The following NBPF10 variants were observed in gnomAD, a reference collection of about 807,000 sequenced individuals.
The protein encoded by NBPF10 is NBPF family member NBPF10.
NBPF10 carries 63 observed loss-of-function variants against 77.9 expected under a neutral mutation model. That is an observed-to-expected ratio of 0.81 (90% confidence interval 0.66 to 1.00). The LOEUF is 1.00. Ranked by LOEUF, NBPF10 falls within the 50% of genes least tolerant of loss-of-function variation. The probability of loss-of-function intolerance (pLI) is 0.00; values close to 1 mark genes in which losing one functional copy is unlikely to be tolerated. For synonymous variants in NBPF10, 146 were observed against 264.5 expected (o/e 0.55, Z 4.35); for missense variants, 522 against 679.8 (o/e 0.77, Z 2.58).
intron 6 of NBPF10, among the ~76,000 whole-genome samples, chr1:146,136,864 TCCC>T (rs1659765882): frequency 6.7e-6 from 1 of 149,060 alleles, no homozygotes; most frequent in Admixed American, 6.7e-5. Context: ...ACTGATGGTT[TCCC>T]TTTTACTGGG....
At chr1:146,067,525 G>A (rs1553778156) in intron 88 of NBPF10, among the ~76,000 whole-genome samples, 1 of 148,950 alleles carries the variant, frequency 6.7e-6, no homozygotes, top group East Asian at 2.0e-4. Flanking sequence ...AATATCATTT[G>A]TCCCAAGTTT....
exon 14 of NBPF10, chr1:146,126,374 C>G (rs1553789943): frequency 1.5e-6 from 2 of 1,375,630 alleles, no homozygotes; most frequent in Non-Finnish European, 2.1e-6. Flanking sequence ...TGCAAGACTT[C>G]AGGCCCTTTC....
In NBPF10 at chr1:146,126,230, A is replaced by G. The variant is rs782749153; in HGVS notation, c.2026+6T>C. 1.2e-5 allele frequency: 19 copies of G among 1,592,722 alleles called. No individual in the cohort carries two copies. The South Asian group carries it at 2.1e-4, about 18-fold the overall frequency. On this transcript the variant is annotated splice_donor_region_variant and intron_variant, in intron 14 of 89. Coordinates refer to ENST00000583866, the Ensembl canonical transcript of NBPF10. ...ATCCTTATCACCTTCATAGAAAGGT[A>G]CTCACCATCCATGTCAATAGCCAAG...
At chr1:146,125,589 C>A (rs1157158128) in intron 14 of NBPF10, 73 bp from the exon 15 acceptor site, 19 of 585,366 alleles carry the variant, frequency 3.2e-5, no homozygotes, top group Non-Finnish European at 5.9e-5. Context: ...ACTGTCTAAT[C>A]CTCACACAGG....
intron 88 of NBPF10, 143 bp downstream of exon 88, chr1:146,067,860 T>A (rs1370183749): frequency 4.6e-5 from 32 of 698,296 alleles, no homozygotes; most frequent in Non-Finnish European, 7.3e-5. Flanking sequence ...GAGACTACAG[T>A]TTCATTACAA....
Position 146,067,383 on chromosome 1 carries a change from C to A in NBPF10, c.11036-95G>T. 2 of 371,108 alleles carry A rather than the reference C, an allele frequency of 5.4e-6. 1 individual carries two copies. The highest frequency in any genetic ancestry group is 9.4e-6 in the Non-Finnish European group (2 of 211,778). 23.0% of individuals were successfully genotyped at this position (371,108 alleles called of 1,614,324 possible). On this transcript the variant is annotated intron_variant, in intron 88 of 89. Coordinates refer to ENST00000583866, the Ensembl canonical transcript of NBPF10. ...AATCCTCACACAGGGACCTCAGGCT[C>A]CTCAGCATAAGAATAGGACACTGTG...
At position 146,126,379 on chromosome 1, in the gene NBPF10, C is replaced by T. The variant is rs146118679; in HGVS notation, c.1883G>A (p.Gly628Glu). 4.6e-5 allele frequency: 63 copies of T among 1,357,450 alleles called. 2 individuals are homozygous for T. Among genetic ancestry groups the T allele is most frequent in the South Asian group, 3.4e-4 (29 of 85,812 alleles). The allele number at this position is 1,357,450 out of a possible 1,614,324, so 84.1% of individuals were successfully genotyped here. ...CTGTGAGTCCTGCAAGACTTCAGGCCCTTTCTCATCCAGCAGCTCCCTGCT... is the reference window on the plus strand; with the variant it reads ...CTGTGAGTCCTGCAAGACTTCAGGCTCTTTCTCATCCAGCAGCTCCCTGCT... The change falls in exon 14 of 90, where the codon GGG (glycine) becomes GAG (glutamate). Residue 628 changes from glycine (G) to glutamate (E), a missense_variant. Gly to Glu is a moderately conservative substitution (Grantham distance 98). This residue lies in a region of NBPF10 where 178 missense variants were observed against 77.7 expected (regional missense o/e 2.29). Transcript: ENST00000583866.
At chr1:146,142,280 A>G (rs1461286958) in intron 2 of NBPF10, among the ~76,000 whole-genome samples, 1 of 115,326 alleles carries the variant, frequency 8.7e-6, no homozygotes, top group African/African-American at 3.0e-5. Flanking sequence ...ATTGAGTGAA[A>G]GAATGAGAAG....
intron 6 of NBPF10, among the ~76,000 whole-genome samples, chr1:146,136,938 A>T (rs9424719): frequency 0.048 from 4,263 of 89,306 alleles, no homozygotes; most frequent in East Asian, 0.1. Context: ...TCATATCTTC[A>T]GTTATGATTT....
intron 86 of NBPF10, among the ~76,000 whole-genome samples, chr1:146,069,341 C>T: frequency 1.1e-5 from 1 of 92,038 alleles, no homozygotes; most frequent in Admixed American, 1.1e-4. Flanking sequence ...TGGCCTGAGA[C>T]TAGGAAGAGA....
chr1:146,076,294 C>CACAG (rs1553780606), intron 77 of NBPF10, among the ~76,000 whole-genome samples: 79 of 13,012 alleles, frequency 6.1e-3, no homozygotes, highest in Non-Finnish European at 0.018. Context: ...CACACACACA[C>CACAG]ACACACACAG....
chr1:146,121,919 C>T (rs1163745379), intron 19 of NBPF10, among the ~76,000 whole-genome samples: 2 of 146,554 alleles, frequency 1.4e-5, no homozygotes, highest in African/African-American at 5.3e-5. Context: ...AGTGAATTGG[C>T]CAGGTGACAT....
Position 146,129,345 on chromosome 1 carries a change from C to T in NBPF10, c.1638-1063G>A, listed in dbSNP as rs587699289. 1.0e-4 allele frequency among the ~76,000 whole-genome samples: 15 copies of T among 145,080 alleles called. No individual in the cohort carries two copies. In the East Asian group the frequency reaches 3.0e-3, roughly 29 times the overall value. On this transcript the variant is annotated intron_variant, in intron 11 of 89. Coordinates refer to ENST00000583866, the Ensembl canonical transcript of NBPF10. Reference sequence around the variant, plus strand: ...ACCATGGCACGAGAACTACGTGATGCATGCACAAGCTTCAGTAGCCAATTC... The same window carrying T: ...ACCATGGCACGAGAACTACGTGATGTATGCACAAGCTTCAGTAGCCAATTC...
chr1:146,136,326 C>T (rs587738019), intron 7 of NBPF10, 27 bp downstream of exon 7: 5 of 975,010 alleles, frequency 5.1e-6, no homozygotes, highest in Non-Finnish European at 7.9e-6. Context: ...ACCTGCGCCC[C>T]TGCCTGCCCC....
rs1655526544 is a variant in NBPF10, at chr1:146,069,193, A to G, written c.10810+350T>C. 3.5e-5 allele frequency among the ~76,000 whole-genome samples: 3 copies of G among 84,804 alleles called. 1 individual carries two copies. The highest frequency in any genetic ancestry group is 1.6e-4 in the African/African-American group (3 of 18,196). The allele number at this position is 84,804 out of a possible 152,430, so 55.6% of individuals were successfully genotyped here. On this transcript the variant is annotated intron_variant, in intron 86 of 89. Transcript: ENST00000583866. ...AATACTCAGATTGTTCATGGTAGCG[A>G]GGATTGTAGACGCTGAAATTAGAGT...
At chr1:146,067,863 C>T in intron 88 of NBPF10, 140 bp downstream of exon 88, 1 of 698,250 alleles carries the variant, frequency 1.4e-6, no homozygotes, top group Non-Finnish European at 2.6e-6. Flanking sequence ...ACTACAGTTT[C>T]ATTACAACCT....
intron 10 of NBPF10, among the ~76,000 whole-genome samples, chr1:146,132,861 C>T (rs374633863): frequency 3.8e-4 from 4 of 10,578 alleles, no homozygotes; most frequent in South Asian, 2.5e-3. Context: ...TTGCACCAAG[C>T]CAAGATGGTG....
At chr1:146,067,529 C>G (rs1191623726) in intron 88 of NBPF10, among the ~76,000 whole-genome samples, 1 of 149,234 alleles carries the variant, frequency 6.7e-6, no homozygotes. Context: ...TCATTTGTCC[C>G]AAGTTTGTGC....
chr1:146,126,461 C>G (rs1271840723), intron 13 of NBPF10, 53 bp from the exon 14 acceptor site: 102 of 784,348 alleles, frequency 1.3e-4, no homozygotes, highest in Non-Finnish European at 2.1e-4. Context: ...AGAAACCACA[C>G]AGCCCCAGCT....
Sources: allele counts gnomAD v4.1 joint callset (sites outside exome capture counted in the v4.1 genomes callset), GRCh38; gene constraint gnomAD v4.1.1; regional missense constraint gnomAD v4.1.1; transcripts MANE v1.5; gene names NCBI Gene and HGNC (gene_info 2026-07-23, HGNC 2026-07-21).